Variants in TRABD2A observed in about 807,000 individuals in gnomAD.
The protein encoded by TRABD2A is metalloprotease TIKI1.
In TRABD2A, 43 loss-of-function variants were observed where a neutral mutation model predicts 45.6. The observed-to-expected ratio is 0.94, with a 90% CI of 0.74 to 1.22. TRABD2A has a LOEUF of 1.22. TRABD2A is among the 50% of genes most tolerant of loss of function. The pLI is 0.00. For synonymous variants in TRABD2A, 269 were observed against 265.0 expected (o/e 1.02, Z -0.15); for missense variants, 642 against 652.4 (o/e 0.98, Z 0.17).
At chr2:84,878,313 T>G (rs975915992) in intron 1 of TRABD2A, among the ~76,000 whole-genome samples, 1 of 151,862 alleles carries the variant, frequency 6.6e-6, no homozygotes, top group African/African-American at 2.4e-5. Context: ...GATCATGAGG[T>G]CAGGAGTTCG....
Position 84,822,385 on chromosome 2 carries a change from C to T in TRABD2A, c.1335-285G>A, listed in dbSNP as rs565740045. 2.0e-4 allele frequency among the ~76,000 whole-genome samples: 30 copies of T among 152,228 alleles called. 1 individual carries two copies. The South Asian group carries it at 6.0e-3, about 31-fold the overall frequency. On this transcript the variant is annotated intron_variant, in intron 6 of 6. Transcript: ENST00000409520. ...ATTAGTGAAAGTCTTCGTATAAGGCCGAATTCAAAGTTTGCTAACATTAGT... is the reference window on the plus strand; with the variant it reads ...ATTAGTGAAAGTCTTCGTATAAGGCTGAATTCAAAGTTTGCTAACATTAGT...
intron 2 of TRABD2A, among the ~76,000 whole-genome samples, chr2:84,863,243 T>TTTTTTTTTTTTTTTTTTG: frequency 7.4e-6 from 1 of 134,782 alleles, no homozygotes; most frequent in Non-Finnish European, 1.6e-5. Flanking sequence ...GTGAATCTTT[T>TTTTTTTTTTTTTTTTTTG]TTTTTTTTTT....
At chr2:84,865,530 A>C (rs1438618018) in intron 2 of TRABD2A, among the ~76,000 whole-genome samples, 1 of 152,260 alleles carries the variant, frequency 6.6e-6, no homozygotes, top group Admixed American at 6.5e-5. Context: ...GGGAAACTCC[A>C]GAACTGTTGG....
At chr2:84,851,162 G>A (rs899916603) in intron 2 of TRABD2A, 2 of 152,240 alleles carry the variant, frequency 1.3e-5, no homozygotes, top group South Asian at 2.1e-4. Context: ...GCCACTAGTG[G>A]AGGGTCCCAG....
intron 4 of TRABD2A, chr2:84,836,611 C>T (rs1681516733): frequency 6.6e-6 from 1 of 152,294 alleles, no homozygotes; most frequent in Non-Finnish European, 1.5e-5. Flanking sequence ...ATTTTAAATT[C>T]AAATATTCTT....
Position 84,870,456 on chromosome 2 carries a change from C to A in TRABD2A, c.438G>T (p.Gly146=), listed in dbSNP as rs764650293. The A allele has an allele frequency of 1.2e-6, 2 of 1,614,038 alleles. No individual in the cohort carries two copies. Among genetic ancestry groups the A allele is most frequent in the Admixed American group, 1.7e-5 (1 of 60,026 alleles). The stretch of plus-strand genomic sequence containing the variant: ...CATTGAAGAGGTAGTCTGCGTAGAG[C>A]CCCTTGCCGCGCTGGTCTGGGGTCA... ...LWMTPDQRGK[G]LYADYLFNAI... is the part of the protein sequence containing the mutation. The change falls in exon 2 of 7, where the codon GGG becomes GGT. Residue 146 remains glycine (G), a synonymous_variant. Coordinates refer to ENST00000409520, the MANE Select transcript of TRABD2A (RefSeq NM_001277053.2).
intron 2 of TRABD2A, 91 bp from the exon 3 acceptor site, chr2:84,842,098 T>C: frequency 7.5e-7 from 1 of 1,327,140 alleles, no homozygotes; most frequent in South Asian, 1.6e-5. Context: ...TACCTTCACC[T>C]TTGTGCTCGT....
chr2:84,848,386 ACAG>A (rs1681975990), intron 2 of TRABD2A, among the ~76,000 whole-genome samples: 1 of 145,052 alleles, frequency 6.9e-6, no homozygotes, highest in Non-Finnish European at 1.5e-5. Flanking sequence ...AGACAGACAG[ACAG>A]ACAGACAGAC....
rs1681284295 is a variant in TRABD2A at position 84,830,139 on chromosome 2, C to T, written c.1082+1916G>A. ...GAAGAGCTGAGAAGGGACCAGAGGC[C>T]AGTGAGGGAGGAAAGACCCACAGTC... On this transcript the variant is annotated intron_variant, in intron 5 of 6. Coordinates refer to ENST00000409520, the MANE Select transcript of TRABD2A (RefSeq NM_001277053.2). The surrounding 1 kb of genome is among the most constrained non-coding windows in gnomAD (Gnocchi z 4.9). 6.6e-6 allele frequency among the ~76,000 whole-genome samples: 1 copy of T among 152,148 alleles called. No individual in the cohort carries two copies. The highest frequency in any genetic ancestry group is 1.5e-5 in the Non-Finnish European group (1 of 68,038).
At chr2:84,838,022 G>A (rs751596055) in intron 4 of TRABD2A, 7 of 531,012 alleles carry the variant, frequency 1.3e-5, no homozygotes, top group Non-Finnish European at 2.4e-5. Context: ...CTAAGAATAG[G>A]GCTATTCACA....
intron 2 of TRABD2A, among the ~76,000 whole-genome samples, chr2:84,865,427 C>A (rs144804666): frequency 6.6e-6 from 1 of 152,260 alleles, no homozygotes. Context: ...TCAGCGTCAA[C>A]TCTGGGGTTT....
chr2:84,870,340 A>G lies in TRABD2A; in HGVS notation c.554T>C (p.Val185Ala), dbSNP rs1158182613. 6.2e-7 allele frequency: 1 copy of G among 1,613,954 alleles called. No individual in the cohort carries two copies. Among genetic ancestry groups the G allele is most frequent in the Admixed American group, 1.7e-5 (1 of 60,012 alleles). ...GGCAAGGAACAGGTCTAAGACAGGC[A>G]CTCCACGGGACTTAATGTCCACTTC... ...LTEVDIKSRG[V>A]PVLDLFLAQE... is the part of the protein sequence containing the mutation. The change falls in exon 2 of 7, where the codon GTG (valine) becomes GCG (alanine). Residue 185 changes from valine to alanine, a missense_variant. Transcript: ENST00000409520.
chr2:84,881,084 T>G lies in TRABD2A; in HGVS notation c.-45A>C, dbSNP rs1222540478. 6.5e-7 allele frequency: 1 copy of G among 1,529,610 alleles called. No individual in the cohort carries two copies. Among genetic ancestry groups the G allele is most frequent in the Middle Eastern group, 2.3e-4 (1 of 4,378 alleles). The allele number at this position is 1,529,610 out of a possible 1,614,324, so 94.8% of individuals were successfully genotyped here. On this transcript the variant is annotated 5_prime_UTR_variant, in exon 1 of 7. Coordinates refer to ENST00000409520, the MANE Select transcript of TRABD2A (RefSeq NM_001277053.2). ...AGGCCCGGAACGCGGAGGGAAGGAG[T>G]AGGGCAGAGGTGGCCGCCCGCCCTG...
chr2:84,876,013 A>AG (rs1683015050), intron 1 of TRABD2A, among the ~76,000 whole-genome samples: 1 of 151,118 alleles, frequency 6.6e-6, no homozygotes, highest in South Asian at 2.1e-4. Flanking sequence ...AAAAAAAAAA[A>AG]GGAAAGAAAA....
At chr2:84,854,838 G>GC (rs201822319) in intron 2 of TRABD2A, among the ~76,000 whole-genome samples, 259 of 152,090 alleles carry the variant, frequency 1.7e-3, no homozygotes, top group African/African-American at 5.8e-3. Context: ...AATGCCCCTT[G>GC]CCCCCCCAGA....
chr2:84,879,353 T>A (rs1205386809), intron 1 of TRABD2A, among the ~76,000 whole-genome samples: 1 of 151,996 alleles, frequency 6.6e-6, no homozygotes, highest in Non-Finnish European at 1.5e-5. Context: ...TAATTTTTTT[T>A]ATTTTTTTGT....
chr2:84,836,211 A>C (rs1681501576), intron 4 of TRABD2A: 1 of 152,240 alleles, frequency 6.6e-6, no homozygotes, highest in Non-Finnish European at 1.5e-5. Context: ...ATCATCAATC[A>C]AATTGATCTA....
Position 84,830,524 on chromosome 2 carries a change from C to A in TRABD2A, c.1082+1531G>T, listed in dbSNP as rs76308586. On this transcript the variant is annotated intron_variant, in intron 5 of 6. Coordinates refer to ENST00000409520, the MANE Select transcript of TRABD2A (RefSeq NM_001277053.2). This position sits in a 1 kb window ranked among gnomAD's most constrained non-coding sequence, Gnocchi z 4.9. Reference sequence around the variant, plus strand: ...GTCCCACAGAAGGGCGAAGAGTGAACCAGAGGGAGAAGGGCCTGGAAGGGG... The same window carrying A: ...GTCCCACAGAAGGGCGAAGAGTGAAACAGAGGGAGAAGGGCCTGGAAGGGG... Among the ~76,000 whole-genome samples the A allele has an allele frequency of 0.024, 3,644 of 152,088 alleles. 49 individuals carry two copies. The highest frequency in any genetic ancestry group is 0.088 in the Middle Eastern group (26 of 294).
At chr2:84,852,142 A>G (rs577509264) in intron 2 of TRABD2A, among the ~76,000 whole-genome samples, 220 of 152,276 alleles carry the variant, frequency 1.4e-3, no homozygotes, top group African/African-American at 4.3e-3. Context: ...CACAAACTCT[A>G]TTCATGGAAC....
Sources: allele counts gnomAD v4.1 joint callset (sites outside exome capture counted in the v4.1 genomes callset), GRCh38; gene constraint gnomAD v4.1.1; non-coding constraint Gnocchi (gnomAD v3.1); transcripts MANE v1.5; gene names NCBI Gene and HGNC (gene_info 2026-07-23, HGNC 2026-07-21).